The following NYAP2 variants were observed in gnomAD, a reference collection of about 807,000 sequenced individuals.
NYAP2 encodes the protein neuronal tyrosine-phosphorylated phosphoinositide-3-kinase adaptor 2.
In NYAP2, 23 loss-of-function variants were observed where a neutral mutation model predicts 50.4. The ratio of observed to expected loss-of-function variants is 0.46; its 90% CI spans 0.33 to 0.65. NYAP2 has a LOEUF of 0.65. Among genes scored for constraint, NYAP2 ranks in the 30% least tolerant of loss-of-function variants. NYAP2 has a pLI of 0.02. For missense variants in NYAP2, 885 were observed against 861.0 expected, an observed-to-expected ratio of 1.03 and a Z score of -0.35; for synonymous variants, 394 against 365.2, an observed-to-expected ratio of 1.08 and a Z score of -0.90.
chr2:225,482,065 T>C (rs185230896), intron 3 of NYAP2, among the ~76,000 whole-genome samples: 125 of 152,326 alleles, frequency 8.2e-4, no homozygotes, highest in African/African-American at 2.5e-3. Context: ...AGCCACAGTA[T>C]ACAAAAATAT....
chr2:225,399,139 G>A (rs537675079), upstream of NYAP2, among the ~76,000 whole-genome samples: 21 of 152,148 alleles, frequency 1.4e-4, no homozygotes, highest in South Asian at 4.2e-3. Context: ...AAAAGAATGT[G>A]AGGGGAAAAA....
the NYAP2 span, among the ~76,000 whole-genome samples, chr2:225,660,317 C>T: frequency 6.6e-6 from 1 of 151,978 alleles, no homozygotes; most frequent in Non-Finnish European, 1.5e-5. Context: ...GCTCTCCTGC[C>T]CCCAATACTA....
At chr2:225,526,973 G>A (rs374695785) in intron 4 of NYAP2, among the ~76,000 whole-genome samples, 4 of 152,066 alleles carry the variant, frequency 2.6e-5, no homozygotes, top group South Asian at 2.1e-4. Flanking sequence ...ATGGAGTTGC[G>A]CATCTACCAT....
chr2:225,627,819 G>A (rs538452340), intron 6 of NYAP2, among the ~76,000 whole-genome samples: 12 of 152,280 alleles, frequency 7.9e-5, no homozygotes, highest in Admixed American at 4.6e-4. Context: ...ATTAATTTAT[G>A]TGTTGGACTC....
intron 3 of NYAP2, among the ~76,000 whole-genome samples, chr2:225,497,241 C>G (rs181327739): frequency 5.3e-5 from 8 of 152,298 alleles, no homozygotes; most frequent in African/African-American, 1.7e-4. Context: ...ACCTATATTT[C>G]AATCTATCAT....
intron 3 of NYAP2, among the ~76,000 whole-genome samples, chr2:225,480,530 G>A (rs756407204): frequency 3.9e-5 from 6 of 152,080 alleles, no homozygotes; most frequent in African/African-American, 4.8e-5. Context: ...AAGGAAAATA[G>A]CATAAAGGAA....
At chr2:225,459,574 C>A (rs1381877201) in intron 3 of NYAP2, among the ~76,000 whole-genome samples, 1 of 152,088 alleles carries the variant, frequency 6.6e-6, no homozygotes, top group African/African-American at 2.4e-5. Context: ...TGAAAGTGAA[C>A]AACAGAAGCT....
chr2:225,477,531 C>T (rs1037133053), intron 3 of NYAP2, among the ~76,000 whole-genome samples: 5 of 151,992 alleles, frequency 3.3e-5, no homozygotes, highest in South Asian at 2.1e-4. Flanking sequence ...CCACCGTGCC[C>T]GGCCGAGAGT....
chr2:225,497,212 C>T (rs937418531), intron 3 of NYAP2, among the ~76,000 whole-genome samples: 1 of 152,196 alleles, frequency 6.6e-6, no homozygotes, highest in Non-Finnish European at 1.5e-5. Context: ...CTCCTGGCCT[C>T]TGCATAGGTA....
intron 3 of NYAP2, among the ~76,000 whole-genome samples, chr2:225,433,513 A>T (rs1026889139): frequency 9.1e-4 from 132 of 144,666 alleles, no homozygotes; most frequent in African/African-American, 3.5e-3. Context: ...GGGCAAATTT[A>T]AAAAAAAATT....
At chr2:225,414,653 C>T (rs980243486) in intron 3 of NYAP2, among the ~76,000 whole-genome samples, 6 of 151,908 alleles carry the variant, frequency 3.9e-5, no homozygotes, top group Non-Finnish European at 8.8e-5. Context: ...TCCCTTAAGG[C>T]GGTACCTGGG....
chr2:225,516,362 A>G (rs1416686362), intron 4 of NYAP2, among the ~76,000 whole-genome samples: 2 of 152,172 alleles, frequency 1.3e-5, no homozygotes, highest in Non-Finnish European at 2.9e-5. Context: ...GACTTGTTAG[A>G]CTTGGAAAAA....
intron 4 of NYAP2, among the ~76,000 whole-genome samples, chr2:225,524,206 G>C (rs1407211096): frequency 6.6e-6 from 1 of 152,166 alleles, no homozygotes; most frequent in African/African-American, 2.4e-5. Context: ...CAAAAGTGCA[G>C]CCTTCAGTCT....
the NYAP2 span, among the ~76,000 whole-genome samples, chr2:225,674,982 GAAATTCTTAATATCTATAGTAA>G: frequency 6.6e-6 from 1 of 152,030 alleles, no homozygotes; most frequent in Non-Finnish European, 1.5e-5. Context: ...AAGAAAGGAT[GAAATTCTTAATATCTATAGTAA>G]AGTGAGTGAT....
chr2:225,620,207 G>A (rs1693065911), intron 5 of NYAP2, among the ~76,000 whole-genome samples: 2 of 152,100 alleles, frequency 1.3e-5, no homozygotes, highest in South Asian at 4.1e-4. Flanking sequence ...CTCTGAATAC[G>A]TTTCCTTGAG....
intron 3 of NYAP2, among the ~76,000 whole-genome samples, chr2:225,427,241 C>T (rs1379644938): frequency 6.6e-6 from 1 of 152,078 alleles, no homozygotes; most frequent in Non-Finnish European, 1.5e-5. Context: ...AAATAGTCAC[C>T]CTCCAGAATT....
At chr2:225,560,518 A>T (rs1185631863) in intron 4 of NYAP2, among the ~76,000 whole-genome samples, 1 of 152,126 alleles carries the variant, frequency 6.6e-6, no homozygotes, top group Non-Finnish European at 1.5e-5. Flanking sequence ...CCACCTAAAC[A>T]GCTTGGCTTA....
At chr2:225,424,954 C>G (rs76061176) in intron 3 of NYAP2, among the ~76,000 whole-genome samples, 1 of 152,042 alleles carries the variant, frequency 6.6e-6, no homozygotes, top group African/African-American at 2.4e-5. Context: ...AGATTGAGTT[C>G]GTTTCCATCA....
chr2:225,559,199 CT>C (rs1691827245), intron 4 of NYAP2, among the ~76,000 whole-genome samples: 1 of 151,968 alleles, frequency 6.6e-6, no homozygotes, highest in Non-Finnish European at 1.5e-5. Flanking sequence ...TTATTTGAGT[CT>C]TGTCTTTGAT....
Sources: gnomAD v4.1 joint callset for allele counts (sites outside exome capture counted in the v4.1 genomes callset) on GRCh38, gnomAD v4.1.1 for gene constraint, MANE v1.5 for transcripts, NCBI Gene and HGNC (gene_info 2026-07-23, HGNC 2026-07-21) for gene names.